The following CASZ1 variants were observed in gnomAD, a reference collection of about 807,000 sequenced individuals.
CASZ1 encodes the protein castor zinc finger 1.
Under a neutral mutation model 135.2 loss-of-function variants are expected in CASZ1, and 28 were observed. The ratio of observed to expected loss-of-function variants is 0.21; its 90% CI spans 0.15 to 0.28. The LOEUF (loss-of-function observed/expected upper bound fraction) is 0.28. Ranked by LOEUF, CASZ1 falls within the 10% of genes least tolerant of loss-of-function variation. The pLI, the probability that CASZ1 is intolerant of heterozygous loss-of-function variation, is 1.00. For missense variants in CASZ1, 2,161 were observed against 2,453.3 expected (o/e 0.88, Z 2.52); for synonymous variants, 1,068 against 1,073.4 (o/e 0.99, Z 0.10).
chr1:10,792,752 G>C (rs914659499), intron 1 of CASZ1, among the ~76,000 whole-genome samples: 9 of 115,820 alleles, frequency 7.8e-5, no homozygotes, highest in Non-Finnish European at 1.3e-4. Context: ...GAGAAGAAAA[G>C]GAGAAAAAGT....
At chr1:10,731,565 C>T (rs1639702898) in intron 2 of CASZ1, among the ~76,000 whole-genome samples, 1 of 152,142 alleles carries the variant, frequency 6.6e-6, no homozygotes, top group African/African-American at 2.4e-5. Flanking sequence ...GCCTGGGTGA[C>T]AGAAAGAGAC....
At position 10,650,762 on chromosome 1, in the gene CASZ1, C is replaced by T. The variant is rs1459838332; in HGVS notation, c.2817-7G>A. 3 of 1,613,404 alleles carry T rather than the reference C, an allele frequency of 1.9e-6. No homozygotes were observed. Among genetic ancestry groups the T allele is most frequent in the Non-Finnish European group, 1.7e-6 (2 of 1,179,730 alleles). ...GTGGCCATTTGATTCGTTGCTAGAA[C>T]ACACAAACCAAGGGACTTGAGCTCA... is the stretch of plus-strand genomic sequence containing the variant. On this transcript the variant is annotated splice_polypyrimidine_tract_variant and splice_region_variant and intron_variant, in intron 12 of 20. Transcript: ENST00000377022.
At chr1:10,763,394 C>A (rs564697795) in intron 1 of CASZ1, among the ~76,000 whole-genome samples, 1 of 152,210 alleles carries the variant, frequency 6.6e-6, no homozygotes, top group Non-Finnish European at 1.5e-5. Context: ...GGTTCCGTCC[C>A]CTCACCAGCC....
chr1:10,652,032 A>G (rs284296), intron 11 of CASZ1: 41,698 of 152,066 alleles, frequency 0.27, 6,604 homozygotes, highest in African/African-American at 0.43. Flanking sequence ...CGGTCCCTCC[A>G]CGCGGCCACC....
In CASZ1 at chr1:10,639,109, C is replaced by CGT; in HGVS notation, c.5112_5113insAC (p.Asp1705ThrfsTer139). ...TCGTCGTCGTCGTCCTCGTCGTCGTCCTCGTCGTCGTCGTCCTCGTCGTCG... is the reference window on the plus strand; with the variant it reads ...TCGTCGTCGTCGTCCTCGTCGTCGTCGTCTCGTCGTCGTCGTCCTCGTCGTCG... On this transcript the variant is annotated frameshift_variant, in exon 21 of 21. Coordinates refer to ENST00000377022, the MANE Select transcript of CASZ1 (RefSeq NM_001079843.3). LOFTEE classifies it high-confidence loss of function. The surrounding 1 kb of genome is among the most constrained non-coding windows in gnomAD (Gnocchi z 4.0). 8.6e-7 allele frequency: 1 copy of CGT among 1,161,678 alleles called. No homozygotes were observed. The highest frequency in any genetic ancestry group is 1.1e-6 in the Non-Finnish European group (1 of 919,286). The allele number at this position is 1,161,678 out of a possible 1,614,324, so 72.0% of individuals were successfully genotyped here.
At position 10,693,884 on chromosome 1, in the gene CASZ1, A is replaced by G. The variant is rs1638845791; in HGVS notation, c.6T>C (p.Asp2=). The G allele has an allele frequency of 6.2e-7, 1 of 1,613,188 alleles. No homozygotes were observed. Among genetic ancestry groups the G allele is most frequent in the Non-Finnish European group, 8.5e-7 (1 of 1,179,540 alleles). M[D]LGTAEGTRCT... is the part of the protein sequence containing the mutation. ...CCCACCGGCCGGTACCTGTTCCAAG[A>G]TCCATTCTCTTCTCCTTGGTCCCAA... Residue 2 remains aspartate (D), a synonymous_variant, in exon 4 of 21, where the codon GAT becomes GAC. Coordinates refer to ENST00000377022, the MANE Select transcript of CASZ1 (RefSeq NM_001079843.3).
chr1:10,648,301 T>G (rs893187545), intron 15 of CASZ1, 162 bp from the exon 16 acceptor site: 16 of 563,390 alleles, frequency 2.8e-5, no homozygotes, highest in African/African-American at 5.8e-5. Context: ...ACAGAAGGAC[T>G]GGAGGGCAAA....
rs141631312 is a variant in CASZ1 at position 10,691,160 on chromosome 1, G to A, written c.16+2714C>T. 6.3e-3 allele frequency among the ~76,000 whole-genome samples: 867 copies of A among 137,664 alleles called. 10 individuals carry two copies. Among genetic ancestry groups the A allele is most frequent in the African/African-American group, 0.022 (807 of 37,446 alleles). 90.3% of individuals were successfully genotyped at this position (137,664 alleles called of 152,430 possible). On this transcript the variant is annotated intron_variant, in intron 4 of 20. Coordinates refer to ENST00000377022, the MANE Select transcript of CASZ1 (RefSeq NM_001079843.3). ...TATTCCCAAACTCTCCTAATCTTCC[G>A]TACACAACCATTTGATTTGCATAAC...
chr1:10,710,723 G>A (rs1639268984), intron 2 of CASZ1, among the ~76,000 whole-genome samples: 1 of 152,260 alleles, frequency 6.6e-6, no homozygotes. Context: ...CAGCCCCTGT[G>A]CCAGGTCAAG....
At chr1:10,746,837 G>C (rs1449635740) in intron 2 of CASZ1, among the ~76,000 whole-genome samples, 1 of 152,242 alleles carries the variant, frequency 6.6e-6, no homozygotes, top group African/African-American at 2.4e-5. Context: ...TGGAAAGTCT[G>C]CCCATCAAGC....
intron 4 of CASZ1, among the ~76,000 whole-genome samples, chr1:10,678,795 A>T (rs1261629791): frequency 5.3e-5 from 8 of 151,518 alleles, no homozygotes; most frequent in Admixed American, 4.6e-4. Flanking sequence ...TCGCTATCCA[A>T]TCCAATAAAA....
Position 10,647,302 on chromosome 1 carries a change from C to T in CASZ1, c.3497+499G>A. 9 of 1,001,630 alleles carry T rather than the reference C, an allele frequency of 9.0e-6. No homozygotes were observed. Among genetic ancestry groups the T allele is most frequent in the Non-Finnish European group, 1.1e-5 (9 of 838,802 alleles). 62.0% of individuals were successfully genotyped at this position (1,001,630 alleles called of 1,614,324 possible). A position where few individuals can be genotyped will look rare whatever the true frequency, so the allele number is the denominator to read the frequency against. ...CCGTTCTCCCTGCAAGGAGCCACCA[C>T]CATCCAGTGAGGAGGGTCCCTTCCA... On this transcript the variant is annotated intron_variant, in intron 16 of 20. Coordinates refer to ENST00000377022, the MANE Select transcript of CASZ1 (RefSeq NM_001079843.3). The surrounding 1 kb of genome is among the most constrained non-coding windows in gnomAD (Gnocchi z 4.9).
At position 10,725,942 on chromosome 1, in the gene CASZ1, G is replaced by A. The variant is rs1639590038; in HGVS notation, c.-76-20398C>T. Among the ~76,000 whole-genome samples, 1 of 152,136 alleles carries A rather than the reference G, an allele frequency of 6.6e-6. No individual in the cohort carries two copies. The highest frequency in any genetic ancestry group is 1.5e-5 in the Non-Finnish European group (1 of 68,012). On this transcript the variant is annotated intron_variant, in intron 2 of 20. Coordinates refer to ENST00000377022, the MANE Select transcript of CASZ1 (RefSeq NM_001079843.3). The surrounding 1 kb of genome is among the most constrained non-coding windows in gnomAD (Gnocchi z 4.4). ...GCAGCATCCTCAGGATCCCTTAGTA[G>A]CAAGAGCAGGGTGAGGCTCCACCTC...
intron 1 of CASZ1, among the ~76,000 whole-genome samples, chr1:10,795,470 C>G (rs1250215498): frequency 6.6e-6 from 1 of 152,218 alleles, no homozygotes; most frequent in Admixed American, 6.5e-5. Flanking sequence ...CCCCGACCGA[C>G]CCTCTCCCAC....
rs935571902 is a variant in CASZ1, at chr1:10,777,941, A to G, written c.-233-17084T>C. On this transcript the variant is annotated intron_variant, in intron 1 of 20. Transcript: ENST00000377022. This position sits in a 1 kb window ranked among gnomAD's most constrained non-coding sequence, Gnocchi z 4.4. Reference sequence around the variant, plus strand: ...CACACAGTCTTCCACACCATTTCACACTATGTCACAACCACATACAATCTC... The same window carrying G: ...CACACAGTCTTCCACACCATTTCACGCTATGTCACAACCACATACAATCTC... Among the ~76,000 whole-genome samples the G allele has an allele frequency of 5.9e-5, 9 of 151,978 alleles. No homozygotes were observed. The highest frequency in any genetic ancestry group is 2.0e-4 in the Admixed American group (3 of 15,244).
rs1023921731 is a variant in CASZ1, at chr1:10,707,773, C to T, written c.-76-2229G>A. ...TCTTTTCTTGTCTCTCTGCCTCTCA[C>T]TGTCCCCACTGTCTGCTTTGTGAGT... On this transcript the variant is annotated intron_variant, in intron 2 of 20. Transcript: ENST00000377022. This position sits in a 1 kb window ranked among gnomAD's most constrained non-coding sequence, Gnocchi z 5.0. Among the ~76,000 whole-genome samples the T allele has an allele frequency of 2.6e-5, 4 of 152,200 alleles. No homozygotes were observed. Among genetic ancestry groups the T allele is most frequent in the Non-Finnish European group, 5.9e-5 (4 of 68,036 alleles).
rs1208969837 is a variant in CASZ1, at chr1:10,776,911, C to A, written c.-233-16054G>T. ...AGCAGTCCCTAAAACCAGTCACCCC[C>A]AAACACAGCCCCACCATCTGATCCC... On this transcript the variant is annotated intron_variant, in intron 1 of 20. Transcript: ENST00000377022. The surrounding 1 kb of genome is among the most constrained non-coding windows in gnomAD (Gnocchi z 4.1). 6.6e-6 allele frequency among the ~76,000 whole-genome samples: 1 copy of A among 152,174 alleles called. No individual in the cohort carries two copies. Among genetic ancestry groups the A allele is most frequent in the African/African-American group, 2.4e-5 (1 of 41,440 alleles).
In CASZ1 at chr1:10,642,842, C is replaced by A. The variant is rs1322758318; in HGVS notation, c.4162+17G>T. The A allele has an allele frequency of 6.2e-7, 1 of 1,610,090 alleles. No homozygotes were observed. The highest frequency in any genetic ancestry group is 1.3e-5 in the African/African-American group (1 of 74,904). Reference sequence around the variant, plus strand: ...AGTGGGGCCTGGCCCTGCCAGCAGCCCCTGCCTGCCGCTCACCTGCCGCGG... The same window carrying A: ...AGTGGGGCCTGGCCCTGCCAGCAGCACCTGCCTGCCGCTCACCTGCCGCGG... On this transcript the variant is annotated intron_variant, in intron 20 of 20. Coordinates refer to ENST00000377022, the MANE Select transcript of CASZ1 (RefSeq NM_001079843.3).
intron 2 of CASZ1, among the ~76,000 whole-genome samples, chr1:10,738,637 G>A (rs961558207): frequency 3.3e-5 from 5 of 152,220 alleles, no homozygotes; most frequent in Admixed American, 6.5e-5. Context: ...GCAGGGCCTC[G>A]ACCCAACTGG....
Sources: allele counts gnomAD v4.1 joint callset (sites outside exome capture counted in the v4.1 genomes callset), GRCh38; gene constraint gnomAD v4.1.1; non-coding constraint Gnocchi (gnomAD v3.1); transcripts MANE v1.5; gene names NCBI Gene and HGNC (gene_info 2026-07-23, HGNC 2026-07-21).